PINX1: variants seen among roughly 807,000 people sequenced by gnomAD.
PINX1 encodes PIN2 (TERF1) interacting telomerase inhibitor 1, also known as PIN2/TERF1-interacting telomerase inhibitor 1.
Under a neutral mutation model 25.4 loss-of-function variants are expected in PINX1, and 34 were observed. The observed-to-expected ratio is 1.34, with a 90% confidence interval of 1.02 to 1.78. PINX1 has a LOEUF of 1.78. Among genes scored for constraint, PINX1 ranks in the 40% most tolerant of loss-of-function variants. PINX1 has a pLI of 0.00. For missense variants in PINX1, 592 were observed against 404.9 expected (o/e 1.46, Z -3.97); for synonymous variants, 197 against 147.7 (o/e 1.33, Z -2.42).
chr8:10,805,405 T>A (rs1802410401), intron 6 of PINX1, among the ~76,000 whole-genome samples: 1 of 150,392 alleles, frequency 6.6e-6, no homozygotes, highest in African/African-American at 2.5e-5. Flanking sequence ...ACAACCAGAG[T>A]ACTCGAAGAT....
At chr8:10,799,651 C>A (rs1019370583) in intron 6 of PINX1, among the ~76,000 whole-genome samples, 13 of 152,172 alleles carry the variant, frequency 8.5e-5, no homozygotes, top group African/African-American at 2.9e-4. Context: ...GCAGTCTAAT[C>A]CCACTTACTG....
Position 10,765,923 on chromosome 8 carries a change from TG to T in PINX1, c.472-8del. On this transcript the variant is annotated splice_polypyrimidine_tract_variant and splice_region_variant and intron_variant, in intron 6 of 6. Transcript: ENST00000314787. ...TGGAGGGACTGGCATCGCCCTATGGTGGGCAGAAGAGTTAAAAGGCAGGTAA... is the reference window on the plus strand; with the variant it reads ...TGGAGGGACTGGCATCGCCCTATGGTGGCAGAAGAGTTAAAAGGCAGGTAA... The T allele has an allele frequency of 6.2e-7, 1 of 1,610,784 alleles. No homozygotes were observed.
rs753329735 is a variant in PINX1 at position 10,831,724 on chromosome 8, T to C, written c.242A>G (p.Gln81Arg). The C allele has an allele frequency of 2.5e-6, 4 of 1,595,132 alleles. No individual in the cohort carries two copies. The South Asian group carries it at 3.4e-5, about 14-fold the overall frequency. The change falls in exon 4 of 7, where the codon CAG (glutamine) becomes CGG (arginine). Residue 81 changes from glutamine (Q) to arginine (R), a missense_variant. By Grantham distance (43) the Gln-to-Arg change is conservative. Coordinates refer to ENST00000314787, the MANE Select transcript of PINX1 (RefSeq NM_017884.6). ...INNEDNWIAH[Q>R]DDFNQLLAEL... ...GGCCAGAAGCTGGTTAAAATCATCCTGATGGGCAATCCAGTTGTCCTGAAA... is the reference window on the plus strand; with the variant it reads ...GGCCAGAAGCTGGTTAAAATCATCCCGATGGGCAATCCAGTTGTCCTGAAA...
rs57684473 is a variant in PINX1 at position 10,829,285 on chromosome 8, CA to C, written c.301+2379del. 2.2e-3 allele frequency among the ~76,000 whole-genome samples: 198 copies of C among 90,514 alleles called. 1 individual carries two copies. Among genetic ancestry groups the C allele is most frequent in the African/African-American group, 4.6e-3 (114 of 24,688 alleles). The allele number at this position is 90,514 out of a possible 152,430, so 59.4% of individuals were successfully genotyped here. On this transcript the variant is annotated intron_variant, in intron 4 of 6. Coordinates refer to ENST00000314787, the MANE Select transcript of PINX1 (RefSeq NM_017884.6). ...TGGGCCACAGAGCAAGACTCCATCT[CA>C]AAAAAAAAAAAAAAAAAAAGAGAGA...
intron 2 of PINX1, 88 bp from the exon 3 acceptor site, chr8:10,833,072 G>A (rs181266328): frequency 5.6e-5 from 43 of 766,572 alleles, no homozygotes; most frequent in Middle Eastern, 2.5e-4. Context: ...AGATGCCTAC[G>A]GCAGGTGTTC....
chr8:10,789,247 G>C (rs1195513360), intron 6 of PINX1, among the ~76,000 whole-genome samples: 2 of 152,218 alleles, frequency 1.3e-5, no homozygotes, highest in Non-Finnish European at 2.9e-5. Flanking sequence ...GGGCCAGCGA[G>C]ATGAGGAGCC....
At chr8:10,785,574 C>G (rs1409665454) in intron 6 of PINX1, among the ~76,000 whole-genome samples, 1 of 152,194 alleles carries the variant, frequency 6.6e-6, no homozygotes, top group Non-Finnish European at 1.5e-5. Flanking sequence ...ACAATTAGTT[C>G]TTATTATAGC....
intron 6 of PINX1, among the ~76,000 whole-genome samples, chr8:10,767,275 T>G (rs932049888): frequency 2.0e-5 from 3 of 152,122 alleles, no homozygotes; most frequent in African/African-American, 7.2e-5. Context: ...ACAGTGGTCC[T>G]CAAAAGCCAC....
chr8:10,818,234 T>C (rs1379816690), intron 6 of PINX1, among the ~76,000 whole-genome samples: 9 of 152,132 alleles, frequency 5.9e-5, no homozygotes, highest in Non-Finnish European at 1.3e-4. Flanking sequence ...GCATCAAGGT[T>C]GATCATCTCT....
At chr8:10,783,475 G>C (rs1317751505) in intron 6 of PINX1, among the ~76,000 whole-genome samples, 1 of 152,146 alleles carries the variant, frequency 6.6e-6, no homozygotes. Flanking sequence ...TCTCTGGAAA[G>C]CCTCTGAACC....
chr8:10,829,250 C>T (rs896768617), intron 4 of PINX1, among the ~76,000 whole-genome samples: 1 of 144,548 alleles, frequency 6.9e-6, no homozygotes, highest in Non-Finnish European at 1.5e-5. Context: ...TGTGCCACTG[C>T]ACTCCAGCCT....
intron 1 of PINX1, among the ~76,000 whole-genome samples, chr8:10,835,220 G>A (rs1418912192): frequency 1.3e-5 from 2 of 152,182 alleles, no homozygotes; most frequent in Non-Finnish European, 2.9e-5. Context: ...AATAGTAAAT[G>A]CCAATTATTC....
At chr8:10,818,716 G>A (rs1797775635) in intron 6 of PINX1, among the ~76,000 whole-genome samples, 1 of 152,144 alleles carries the variant, frequency 6.6e-6, no homozygotes, top group African/African-American at 2.4e-5. Flanking sequence ...GGAGGGACGT[G>A]GAGTTGATAC....
chr8:10,839,698 A>G, intron 1 of PINX1, 40 bp downstream of exon 1: 1 of 1,590,328 alleles, frequency 6.3e-7, no homozygotes, highest in South Asian at 1.1e-5. Flanking sequence ...CGGCATCTTC[A>G]CCAACGCGCC....
chr8:10,789,033 C>T (rs1283087071), intron 6 of PINX1, among the ~76,000 whole-genome samples: 1 of 152,156 alleles, frequency 6.6e-6, no homozygotes, highest in Non-Finnish European at 1.5e-5. Context: ...TTTGTGGGAG[C>T]GTGAAAGGGA....
intron 6 of PINX1, among the ~76,000 whole-genome samples, chr8:10,800,375 G>A (rs1183271826): frequency 6.6e-6 from 1 of 152,068 alleles, no homozygotes; most frequent in African/African-American, 2.4e-5. Flanking sequence ...TTCTTTTACT[G>A]AAAGAGCTGT....
intron 6 of PINX1, among the ~76,000 whole-genome samples, chr8:10,805,265 C>G (rs977918548): frequency 1.3e-5 from 2 of 152,174 alleles, no homozygotes; most frequent in Admixed American, 6.5e-5. Context: ...AGGAGGCACA[C>G]GCAAAAGACA....
chr8:10,785,321 C>T (rs1801714241), intron 6 of PINX1, among the ~76,000 whole-genome samples: 1 of 152,146 alleles, frequency 6.6e-6, no homozygotes, highest in Non-Finnish European at 1.5e-5. Flanking sequence ...GCAAGTTAAC[C>T]CATCAGAATC....
chr8:10,794,410 A>G (rs568389606), intron 6 of PINX1, among the ~76,000 whole-genome samples: 1 of 152,308 alleles, frequency 6.6e-6, no homozygotes, highest in African/African-American at 2.4e-5. Context: ...TACAAAGTAA[A>G]AAGGAGCAAA....
Sources: allele counts gnomAD v4.1 joint callset (sites outside exome capture counted in the v4.1 genomes callset), GRCh38; gene constraint gnomAD v4.1.1; transcripts MANE v1.5; gene names NCBI Gene and HGNC (gene_info 2026-07-23, HGNC 2026-07-21).